Variants in MTPN observed in about 807,000 individuals in gnomAD.
MTPN encodes the protein myotrophin.
In MTPN, 2 loss-of-function variants were observed where a neutral mutation model predicts 13.5. The observed-to-expected ratio is 0.15, with a 90% CI of 0.06 to 0.47. The LOEUF (loss-of-function observed/expected upper bound fraction) is 0.47, where lower values mean the gene tolerates loss of function less well. MTPN is among the 20% of genes least tolerant of loss of function. The pLI is 0.97. For missense variants in MTPN, 79 were observed against 137.9 expected, an observed-to-expected ratio of 0.57 and a Z score of 2.14; for synonymous variants, 46 against 51.7, an observed-to-expected ratio of 0.89 and a Z score of 0.48.
At position 135,927,627 on chromosome 7, in the gene MTPN, A is replaced by T; in HGVS notation, c.*2299T>A. 1.5e-6 allele frequency: 1 copy of T among 661,482 alleles called. No individual in the cohort carries two copies. The highest frequency in any genetic ancestry group is 2.8e-6 in the Non-Finnish European group (1 of 353,812). The allele number at this position is 661,482 out of a possible 1,614,324, so 41.0% of individuals were successfully genotyped here. A position where few individuals can be genotyped will look rare whatever the true frequency, so the allele number is the denominator to read the frequency against. On this transcript the variant is annotated 3_prime_UTR_variant, in exon 4 of 4. Transcript: ENST00000393085. ...TGTGAATTTGTCTGCCAAGTGGTTC[A>T]GAAATACATTATAAATAACCTAGTT...
Position 135,927,857 on chromosome 7 carries a change from AAGC to A in MTPN, c.*2066_*2068del, listed in dbSNP as rs1340550061. 2.7e-6 allele frequency: 1 copy of A among 368,926 alleles called. No individual in the cohort carries two copies. The highest frequency in any genetic ancestry group is 5.4e-6 in the Non-Finnish European group (1 of 184,654). 22.9% of individuals were successfully genotyped at this position (368,926 alleles called of 1,614,324 possible). On this transcript the variant is annotated 3_prime_UTR_variant, in exon 4 of 4. Coordinates refer to ENST00000393085, the MANE Select transcript of MTPN (RefSeq NM_145808.4). ...ATGGTTTCCATACCATGAATGTAGAAAGCAGACCAGGTTTAGGAATGATAGGAC... is the reference window on the plus strand; with the variant it reads ...ATGGTTTCCATACCATGAATGTAGAAAGACCAGGTTTAGGAATGATAGGAC...
intron 3 of MTPN, chr7:135,932,577 A>G (rs1799040534): frequency 6.6e-6 from 1 of 151,852 alleles, no homozygotes; most frequent in Admixed American, 6.6e-5. Flanking sequence ...GTTTCCTTCT[A>G]CTCTTCTATT....
At chr7:135,956,009 A>G (rs946518252) in intron 1 of MTPN, among the ~76,000 whole-genome samples, 2 of 152,216 alleles carry the variant, frequency 1.3e-5, no homozygotes, top group Admixed American at 1.3e-4. Context: ...GTCTGTTCTT[A>G]CCACTTCAAT....
At chr7:135,945,914 T>A (rs1366606869) in intron 3 of MTPN, among the ~76,000 whole-genome samples, 1 of 152,182 alleles carries the variant, frequency 6.6e-6, no homozygotes, top group Admixed American at 6.5e-5. Context: ...TTTTTTCCTA[T>A]ACACACATAC....
chr7:135,955,411 C>A (rs984817928), intron 1 of MTPN, among the ~76,000 whole-genome samples: 1 of 152,148 alleles, frequency 6.6e-6, no homozygotes, highest in Non-Finnish European at 1.5e-5. Context: ...AGCGAAGATA[C>A]AAAGTGCCAA....
chr7:135,949,478 G>A (rs1243976353), intron 3 of MTPN, among the ~76,000 whole-genome samples: 2 of 150,276 alleles, frequency 1.3e-5, no homozygotes, highest in Non-Finnish European at 3.0e-5. Context: ...TTATCAGTAA[G>A]GTATAAAAAT....
At chr7:135,965,849 T>C (rs1380524248) in intron 1 of MTPN, among the ~76,000 whole-genome samples, 1 of 152,138 alleles carries the variant, frequency 6.6e-6, no homozygotes, top group Non-Finnish European at 1.5e-5. Context: ...CAAAGTGGTA[T>C]ATGGTAAACC....
intron 1 of MTPN, among the ~76,000 whole-genome samples, chr7:135,965,285 C>A (rs1467395339): frequency 1.3e-5 from 2 of 152,008 alleles, no homozygotes; most frequent in Admixed American, 6.6e-5. Flanking sequence ...TGATCACAAT[C>A]CCTATTTACA....
intron 1 of MTPN, among the ~76,000 whole-genome samples, chr7:135,953,590 T>C (rs1799396905): frequency 6.6e-6 from 1 of 152,220 alleles, no homozygotes; most frequent in African/African-American, 2.4e-5. Context: ...AAGTATTATC[T>C]ATGTATGTAA....
At chr7:135,963,014 A>C (rs1799549065) in intron 1 of MTPN, among the ~76,000 whole-genome samples, 1 of 152,074 alleles carries the variant, frequency 6.6e-6, no homozygotes, top group Non-Finnish European at 1.5e-5. Context: ...AAAGCTACCT[A>C]ACAAACAGTA....
chr7:135,955,493 G>C (rs1389971960), intron 1 of MTPN, among the ~76,000 whole-genome samples: 1 of 152,152 alleles, frequency 6.6e-6, no homozygotes, highest in African/African-American at 2.4e-5. Flanking sequence ...AATTCTACCA[G>C]ACATTTAAGG....
intron 1 of MTPN, among the ~76,000 whole-genome samples, chr7:135,965,859 C>T (rs1799596676): frequency 6.6e-6 from 1 of 151,972 alleles, no homozygotes; most frequent in Non-Finnish European, 1.5e-5. Flanking sequence ...TATGGTAAAC[C>T]AACTTTGAAA....
Position 135,951,634 on chromosome 7 carries a change from A to G in MTPN, c.73-4T>C. On this transcript the variant is annotated splice_polypyrimidine_tract_variant and splice_region_variant and intron_variant, in intron 1 of 3. Coordinates refer to ENST00000393085, the MANE Select transcript of MTPN (RefSeq NM_145808.4). The stretch of plus-strand genomic sequence containing the variant: ...GTGTCCGGTTGACATCTTCTCCCTG[A>G]TAAGAAAACCAAATGAAAACAATAT... 2 of 1,594,298 alleles carry G rather than the reference A, an allele frequency of 1.3e-6. No homozygotes were observed. Among genetic ancestry groups the G allele is most frequent in the East Asian group, 2.2e-5 (1 of 44,696 alleles).
rs1383496019 is a variant in MTPN, at chr7:135,977,328, C to T, written c.-228G>A. On this transcript the variant is annotated 5_prime_UTR_variant, in exon 1 of 4. Transcript: ENST00000393085. ...ACCGGGCCCAGCAGAGAGGTTCCGC[C>T]TGGCCGAGGAGAGGCAGGAACCTTT... 1 of 579,612 alleles carries T rather than the reference C, an allele frequency of 1.7e-6. No homozygotes were observed. The highest frequency in any genetic ancestry group is 3.1e-6 in the Non-Finnish European group (1 of 324,100). The allele number at this position is 579,612 out of a possible 1,614,324, so 35.9% of individuals were successfully genotyped here. A position where few individuals can be genotyped will look rare whatever the true frequency, so the allele number is the denominator to read the frequency against.
Position 135,928,509 on chromosome 7 carries a change from T to G in MTPN, c.*1417A>C, listed in dbSNP as rs1798965231. 1 of 167,034 alleles carries G rather than the reference T, an allele frequency of 6.0e-6. No individual in the cohort carries two copies. 10.3% of individuals were successfully genotyped at this position (167,034 alleles called of 1,614,324 possible). On this transcript the variant is annotated 3_prime_UTR_variant, in exon 4 of 4. Coordinates refer to ENST00000393085, the MANE Select transcript of MTPN (RefSeq NM_145808.4). ...CCCTAACCCACCCTCCCCTAAAAAT[T>G]TGAGGTACATTCAATTATTGCATGA...
chr7:135,976,914 AG>A (rs1381898698), intron 1 of MTPN, 114 bp downstream of exon 1: 1 of 954,800 alleles, frequency 1.0e-6, no homozygotes, highest in Non-Finnish European at 1.7e-6. Flanking sequence ...GCCTCCACCC[AG>A]GAAGTCTCTC....
chr7:135,948,480 AAAGT>A (rs1390430726), intron 3 of MTPN, among the ~76,000 whole-genome samples: 1 of 152,196 alleles, frequency 6.6e-6, no homozygotes, highest in Non-Finnish European at 1.5e-5. Flanking sequence ...AAACTAGTTA[AAAGT>A]AAGACAACTC....
chr7:135,937,882 G>A (rs564785850), intron 3 of MTPN, among the ~76,000 whole-genome samples: 1 of 152,132 alleles, frequency 6.6e-6, no homozygotes, highest in Non-Finnish European at 1.5e-5. Flanking sequence ...TCTTTGTAAT[G>A]ATTTTCTTAA....
At chr7:135,971,072 A>G (rs1057515301) in intron 1 of MTPN, among the ~76,000 whole-genome samples, 13 of 152,240 alleles carry the variant, frequency 8.5e-5, no homozygotes, top group African/African-American at 3.1e-4. Flanking sequence ...GAATTTCTAA[A>G]GATTAGAGTT....
Sources: allele counts gnomAD v4.1 joint callset (sites outside exome capture counted in the v4.1 genomes callset), GRCh38; gene constraint gnomAD v4.1.1; transcripts MANE v1.5; gene names NCBI Gene and HGNC (gene_info 2026-07-23, HGNC 2026-07-21).